DNAH3: variants seen among roughly 807,000 people sequenced by gnomAD.
DNAH3 encodes the protein dynein axonemal heavy chain 3, also known as axonemal beta dynein heavy chain 3.
A neutral mutation model predicts 432.5 loss-of-function variants in DNAH3; 332 were observed. The observed-to-expected ratio is 0.77, with a 90% CI of 0.70 to 0.84. The LOEUF is 0.84. DNAH3 is among the 40% of genes least tolerant of loss of function. DNAH3 has a pLI of 0.00. For missense variants in DNAH3, 4,861 were observed against 5,114.0 expected (o/e 0.95, Z 1.51); for synonymous variants, 1,956 against 1,900.2 (o/e 1.03, Z -0.76).
intron 52 of DNAH3, among the ~76,000 whole-genome samples, chr16:20,966,872 G>C (rs527566837): frequency 9.0e-4 from 137 of 152,262 alleles, no homozygotes; most frequent in African/African-American, 3.1e-3. Context: ...CCATACAGAA[G>C]ACTACCCGTG....
chr16:21,063,583 C>T (rs112178432), intron 24 of DNAH3, among the ~76,000 whole-genome samples: 15,177 of 149,872 alleles, frequency 0.1, 1,073 homozygotes, highest in Non-Finnish European at 0.15. Flanking sequence ...GTCTCTGTCA[C>T]CCGGCCTGGA....
At chr16:21,115,746 A>T (rs950740574) in intron 12 of DNAH3, among the ~76,000 whole-genome samples, 3 of 149,610 alleles carry the variant, frequency 2.0e-5, no homozygotes. Flanking sequence ...AAAATAAAAT[A>T]AAAATAAAAT....
intron 7 of DNAH3, among the ~76,000 whole-genome samples, chr16:21,132,474 A>T (rs544966251): frequency 6.6e-6 from 1 of 152,312 alleles, no homozygotes; most frequent in East Asian, 1.9e-4. Flanking sequence ...AAAAAACCAG[A>T]GTCTTCCACC....
chr16:21,127,847 A>G (rs904332341), intron 7 of DNAH3, 35 bp from the exon 9 acceptor site: 1 of 1,612,912 alleles, frequency 6.2e-7, no homozygotes, highest in African/African-American at 1.3e-5. Context: ...CCTAAGCTAA[A>G]GAACGCTTAA....
chr16:21,042,232 G>T, intron 31 of DNAH3, 29 bp from the exon 32 acceptor site: 1 of 1,557,912 alleles, frequency 6.4e-7, no homozygotes, highest in Non-Finnish European at 8.7e-7. Flanking sequence ...GCTGATAAGA[G>T]CATCTGCTTC....
At chr16:21,135,421 G>A (rs867766360) in intron 6 of DNAH3, among the ~76,000 whole-genome samples, 3 of 152,292 alleles carry the variant, frequency 2.0e-5, no homozygotes, top group Middle Eastern at 6.8e-3. Flanking sequence ...GGCTGGGTGC[G>A]GTGGCTCACA....
In DNAH3 at chr16:20,935,485, C is replaced by A. The variant is rs142540448; in HGVS notation, c.11860G>T (p.Glu3954Ter). Reference sequence around the variant, plus strand: ...ACAGGGGGCCCCTTGTCAATCCATTCCTGGAGAGCCACAGAAATCAAGATT... The same window carrying A: ...ACAGGGGGCCCCTTGTCAATCCATTACTGGAGAGCCACAGAAATCAAGATT... Residue 3954 changes from glutamate to a stop codon, truncating the protein, a stop_gained and splice_region_variant, in exon 61 of 62, where the codon GAA (glutamate) becomes TAA (stop). Coordinates refer to ENST00000261383, the Ensembl canonical transcript of DNAH3. LOFTEE classifies it high-confidence loss of function. The A allele has an allele frequency of 6.2e-7, 1 of 1,609,040 alleles. No homozygotes were observed.
At chr16:20,985,116 T>C (rs920753655) in exon 48 of DNAH3, 1 of 1,614,166 alleles carries the variant, frequency 6.2e-7, no homozygotes, top group Non-Finnish European at 8.5e-7. Flanking sequence ...GAGGAGTGAC[T>C]TCAACCTTCT....
intron 41 of DNAH3, among the ~76,000 whole-genome samples, chr16:21,013,498 A>G (rs959416722): frequency 1.3e-5 from 2 of 152,182 alleles, no homozygotes; most frequent in African/African-American, 4.8e-5. Flanking sequence ...AAGCAGGCAG[A>G]TCACCTGAGG....
chr16:20,953,562 A>G (rs893387651), intron 55 of DNAH3, among the ~76,000 whole-genome samples: 4 of 151,816 alleles, frequency 2.6e-5, no homozygotes, highest in Non-Finnish European at 5.9e-5. Context: ...AGTTAGTTGC[A>G]AGCCAAACAT....
At chr16:20,985,017 A>T (rs1216920054) in intron 48 of DNAH3, 32 bp downstream of exon 48, 1 of 1,548,198 alleles carries the variant, frequency 6.5e-7, no homozygotes, top group East Asian at 2.2e-5. Context: ...CACCCAGAAG[A>T]ACAAGGGCAA....
rs57080406 is a variant in DNAH3 at position 21,138,822 on chromosome 16, A to AC, written c.696+1713_696+1714insG. Among the ~76,000 whole-genome samples, 1,260 of 151,562 alleles carry AC rather than the reference A, an allele frequency of 8.3e-3. 24 individuals are homozygous for AC. The highest frequency in any genetic ancestry group is 0.029 in the African/African-American group (1,199 of 41,272). ...AAGACTCCCTCTAATAAAAAAAAAA[A>AC]ACAACACAGAGACTTTGGTATCAGC... On this transcript the variant is annotated intron_variant, in intron 5 of 61. Coordinates refer to ENST00000261383, the Ensembl canonical transcript of DNAH3.
chr16:21,011,366 G>A (rs1409898529), intron 41 of DNAH3, among the ~76,000 whole-genome samples: 4 of 152,234 alleles, frequency 2.6e-5, no homozygotes, highest in East Asian at 3.9e-4. Flanking sequence ...TTTGAGACAG[G>A]ATCTCACTGT....
intron 17 of DNAH3, 129 bp downstream of exon 17, chr16:21,098,487 G>C: frequency 1.6e-6 from 1 of 622,636 alleles, no homozygotes; most frequent in Non-Finnish European, 2.5e-6. Context: ...ACCAATGAAA[G>C]AACTGGCCAA....
At chr16:20,986,639 C>CT (rs1281631732) in intron 47 of DNAH3, among the ~76,000 whole-genome samples, 5 of 152,142 alleles carry the variant, frequency 3.3e-5, no homozygotes, top group African/African-American at 1.2e-4. Flanking sequence ...GAAGGATGTG[C>CT]TTTTCTTAGG....
intron 47 of DNAH3, 36 bp downstream of exon 47, chr16:20,987,269 A>C (rs375035591): frequency 1.2e-6 from 2 of 1,610,226 alleles, no homozygotes; most frequent in Non-Finnish European, 1.7e-6. Context: ...ACTTGGAACC[A>C]TTTCTGAGGT....
intron 51 of DNAH3, among the ~76,000 whole-genome samples, chr16:20,970,936 C>T (rs977191397): frequency 3.4e-5 from 5 of 148,056 alleles, no homozygotes; most frequent in African/African-American, 5.0e-5. Flanking sequence ...GGTGCTATCT[C>T]GGCTCACTGC....
intron 1 of DNAH3, among the ~76,000 whole-genome samples, chr16:21,147,666 T>A (rs564666823): frequency 2.0e-5 from 3 of 152,322 alleles, no homozygotes; most frequent in Middle Eastern, 3.4e-3. Flanking sequence ...GGGTGTTGAG[T>A]ACTCCATTCC....
chr16:21,064,860 G>GGT (rs369066790), intron 24 of DNAH3, among the ~76,000 whole-genome samples: 9,394 of 131,592 alleles, frequency 0.071, 318 homozygotes, highest in Non-Finnish European at 0.086. Flanking sequence ...TATTGAGGTA[G>GGT]GTGTGTGTGT....
Sources: allele counts gnomAD v4.1 joint callset (sites outside exome capture counted in the v4.1 genomes callset), GRCh38; gene constraint gnomAD v4.1.1; transcripts MANE v1.5; gene names NCBI Gene and HGNC (gene_info 2026-07-23, HGNC 2026-07-21).